The following SLC4A4 variants were observed in gnomAD, a reference collection of about 807,000 sequenced individuals.
SLC4A4 encodes the protein electrogenic sodium bicarbonate cotransporter 1.
In SLC4A4, 27 loss-of-function variants were observed where a neutral mutation model predicts 111.5. That is an observed-to-expected ratio of 0.24 (90% CI 0.18 to 0.33). SLC4A4 has a LOEUF of 0.33. Among genes scored for constraint, SLC4A4 ranks in the 10% least tolerant of loss-of-function variants. The pLI is 1.00. For missense variants in SLC4A4, 909 were observed against 1,315.5 expected, an observed-to-expected ratio of 0.69 and a Z score of 4.78; for synonymous variants, 443 against 463.4, an observed-to-expected ratio of 0.96 and a Z score of 0.57.
chr4:71,445,143 C>G (rs1014780823), intron 8 of SLC4A4, among the ~76,000 whole-genome samples: 3 of 152,162 alleles, frequency 2.0e-5, no homozygotes, highest in Non-Finnish European at 2.9e-5. Context: ...TGATCTGCTG[C>G]TTCCTTTCAT....
intron 18 of SLC4A4, 135 bp from the exon 19 acceptor site, chr4:71,546,215 C>G: frequency 1.4e-6 from 1 of 735,332 alleles, no homozygotes; most frequent in East Asian, 2.6e-5. Context: ...AGATAAAGTC[C>G]CCTCTTTCAA....
At chr4:71,246,011 G>A (rs551308437) in intron 2 of SLC4A4, among the ~76,000 whole-genome samples, 1 of 152,230 alleles carries the variant, frequency 6.6e-6, no homozygotes, top group African/African-American at 2.4e-5. Context: ...GCAAAAAGAA[G>A]GTGATTGGTA....
chr4:71,483,742 T>C (rs534734016), intron 14 of SLC4A4, among the ~76,000 whole-genome samples: 1 of 152,132 alleles, frequency 6.6e-6, no homozygotes, highest in African/African-American at 2.4e-5. Context: ...CTTTGAGGAA[T>C]CACCACACTG....
intron 2 of SLC4A4, among the ~76,000 whole-genome samples, chr4:71,107,042 A>G (rs1422140041): frequency 6.6e-6 from 1 of 151,652 alleles, no homozygotes; most frequent in East Asian, 1.9e-4. Context: ...ACCATGCCCT[A>G]TTGGTTATTG....
intron 3 of SLC4A4, among the ~76,000 whole-genome samples, chr4:71,324,026 C>T (rs993593037): frequency 5.9e-5 from 9 of 151,904 alleles, no homozygotes; most frequent in African/African-American, 2.2e-4. Context: ...CAACAGAGGG[C>T]TGTAGCCAAA....
chr4:71,499,428 A>G (rs987295312), intron 16 of SLC4A4, among the ~76,000 whole-genome samples: 1 of 152,142 alleles, frequency 6.6e-6, no homozygotes, highest in African/African-American at 2.4e-5. Flanking sequence ...TACCTCACAT[A>G]CTTATTTTTT....
chr4:71,330,153 A>G (rs1727846622), intron 3 of SLC4A4, among the ~76,000 whole-genome samples: 1 of 152,146 alleles, frequency 6.6e-6, no homozygotes, highest in Non-Finnish European at 1.5e-5. Context: ...CATCCCTGGG[A>G]TAAATTTCAC....
At chr4:71,277,500 T>G (rs968411729) in intron 3 of SLC4A4, among the ~76,000 whole-genome samples, 3 of 151,286 alleles carry the variant, frequency 2.0e-5, no homozygotes, top group African/African-American at 7.3e-5. Flanking sequence ...TCCCTTCCCT[T>G]CCTTTTCCTT....
chr4:71,308,259 C>T (rs1402188037), intron 3 of SLC4A4, among the ~76,000 whole-genome samples: 4 of 152,054 alleles, frequency 2.6e-5, no homozygotes, highest in Admixed American at 2.0e-4. Context: ...GCTCAATATA[C>T]ATAGTAGTTG....
At position 71,389,140 on chromosome 4, in the gene SLC4A4, G is replaced by A. The variant is rs1269112748; in HGVS notation, c.731-8437G>A. Among the ~76,000 whole-genome samples, 7 of 152,254 alleles carry A rather than the reference G, an allele frequency of 4.6e-5. 1 individual carries two copies. The East Asian group carries it at 9.6e-4, about 21-fold the overall frequency. On this transcript the variant is annotated intron_variant, in intron 6 of 25. Transcript: ENST00000264485. ...GATAACAAAGGTCCCAAAGGGCAGG[G>A]AATGGCTTTTAAAATAAGAGAATAG... is the stretch of plus-strand genomic sequence containing the variant.
At chr4:71,182,952 T>C (rs1332395862), upstream of SLC4A4, among the ~76,000 whole-genome samples, 1 of 152,182 alleles carries the variant, frequency 6.6e-6, no homozygotes, top group Non-Finnish European at 1.5e-5. Flanking sequence ...ATGGGAGAAT[T>C]CCTGCAGGAG....
intron 2 of SLC4A4, among the ~76,000 whole-genome samples, chr4:71,177,610 A>G (rs1353598225): frequency 6.6e-6 from 1 of 152,242 alleles, no homozygotes; most frequent in African/African-American, 2.4e-5. Flanking sequence ...AAAGGGATCA[A>G]TTCAACAAGA....
intron 1 of SLC4A4, among the ~76,000 whole-genome samples, chr4:71,189,175 A>G (rs1450042178): frequency 6.6e-6 from 1 of 152,144 alleles, no homozygotes; most frequent in Non-Finnish European, 1.5e-5. Context: ...AACCCCCAAC[A>G]TTTTGGATTT....
chr4:71,143,921 C>A (rs2148967858), intron 2 of SLC4A4, among the ~76,000 whole-genome samples: 1 of 152,138 alleles, frequency 6.6e-6, no homozygotes, highest in East Asian at 1.9e-4. Flanking sequence ...ATGGTAGTTT[C>A]TTTTGCTGTG....
intron 2 of SLC4A4, among the ~76,000 whole-genome samples, chr4:71,245,001 G>A (rs1007675509): frequency 2.6e-5 from 4 of 152,076 alleles, no homozygotes; most frequent in African/African-American, 9.7e-5. Flanking sequence ...TACATGGAAG[G>A]CCAGGGAATA....
At chr4:71,408,800 A>T (rs1721102345) in intron 7 of SLC4A4, among the ~76,000 whole-genome samples, 1 of 152,108 alleles carries the variant, frequency 6.6e-6, no homozygotes, top group South Asian at 2.1e-4. Context: ...ACCATCTAGT[A>T]CTTATTATTT....
chr4:71,293,637 T>G (rs1410918507), intron 3 of SLC4A4, among the ~76,000 whole-genome samples: 1 of 152,042 alleles, frequency 6.6e-6, no homozygotes. Flanking sequence ...GATTAGAGAA[T>G]AGTCAAGTTT....
intron 15 of SLC4A4, 69 bp downstream of exon 15, chr4:71,487,087 T>A (rs1729474738): frequency 1.1e-6 from 1 of 906,170 alleles, no homozygotes; most frequent in African/African-American, 1.7e-5. Flanking sequence ...ATAATACTTA[T>A]AATATATGAT....
intron 2 of SLC4A4, among the ~76,000 whole-genome samples, chr4:71,243,359 T>C (rs1379220821): frequency 2.0e-5 from 3 of 152,168 alleles, no homozygotes; most frequent in Admixed American, 6.5e-5. Context: ...CTACTATATA[T>C]TCTAACCTGA....
Sources: gnomAD v4.1 joint callset for allele counts (sites outside exome capture counted in the v4.1 genomes callset) on GRCh38, gnomAD v4.1.1 for gene constraint, MANE v1.5 for transcripts, NCBI Gene and HGNC (gene_info 2026-07-23, HGNC 2026-07-21) for gene names.